The following PPM1N variants were observed in gnomAD, a reference collection of about 807,000 sequenced individuals.
PPM1N encodes the protein probable protein phosphatase 1N.
PPM1N carries 35 observed loss-of-function variants against 32.6 expected under a neutral mutation model. The ratio of observed to expected loss-of-function variants is 1.07; its 90% confidence interval spans 0.82 to 1.43. PPM1N has a LOEUF of 1.43. Among genes scored for constraint, PPM1N ranks in the 40% most tolerant of loss-of-function variants. The probability of loss-of-function intolerance (pLI) is 0.00; values close to 1 mark genes in which losing one functional copy is unlikely to be tolerated. For missense variants in PPM1N, 648 were observed against 606.6 expected (o/e 1.07, Z -0.72); for synonymous variants, 275 against 270.5 (o/e 1.02, Z -0.16).
In PPM1N at chr19:45,498,615, C is replaced by G. The variant is rs775186135; in HGVS notation, c.143C>G (p.Ala48Gly). The G allele has an allele frequency of 7.7e-5, 109 of 1,419,430 alleles. No homozygotes were observed. Among genetic ancestry groups the G allele is most frequent in the Non-Finnish European group, 1.0e-4 (109 of 1,092,844 alleles). 87.9% of individuals were successfully genotyped at this position (1,419,430 alleles called of 1,614,324 possible). ...GAAGGGCCTCGGTCTCTGTTGACAG[C>G]GCCGCGCCGCGCCCAGCGGCCGCAC... ...APEGPRSLLT[A>G]PRRAQRPHGG... The change falls in exon 1 of 5, where the codon GCG becomes GGG. Residue 48 changes from alanine to glycine, a missense_variant. Ala to Gly is a moderately conservative substitution (Grantham distance 60). Transcript: ENST00000451287.
In PPM1N at chr19:45,498,978, TG is replaced by T; in HGVS notation, c.508del (p.Val170SerfsTer18). 6.4e-7 allele frequency: 1 copy of T among 1,563,006 alleles called. No homozygotes were observed. The highest frequency in any genetic ancestry group is 8.6e-7 in the Non-Finnish European group (1 of 1,163,766). On this transcript the variant is annotated frameshift_variant, in exon 1 of 5. Transcript: ENST00000451287. LOFTEE classifies it high-confidence loss of function. ...ETGGCTAVVLLVSPRFLYLAH... is the reference protein window; with the variant it reads ...ETGGCTAVVLXVSPRFLYLAH... ...GGCGGCTGCACGGCCGTGGTGTTGC[TG>T]GTCTCCCCGCGGTTTCTGTACCTGG... is the stretch of plus-strand genomic sequence containing the variant.
chr19:45,499,914 C>A, intron 1 of PPM1N, 35 bp from the exon 2 acceptor site: 1 of 1,551,048 alleles, frequency 6.4e-7, no homozygotes, highest in Admixed American at 2.0e-5. Context: ...CTTGGACTCT[C>A]CCCCACCGGG....
intron 4 of PPM1N, 43 bp downstream of exon 4, chr19:45,500,753 G>GGCA: frequency 6.8e-7 from 1 of 1,478,564 alleles, no homozygotes; most frequent in Non-Finnish European, 9.2e-7. Context: ...AGGAGGGGAC[G>GGCA]CCCCCCCGCC....
At position 45,500,701 on chromosome 19, in the gene PPM1N, G is replaced by C; in HGVS notation, c.1215G>C (p.Glu405Asp). The change falls in exon 4 of 5, where the codon GAG becomes GAC. Residue 405 changes from glutamate to aspartate, a missense_variant. Transcript: ENST00000451287. ...CTCAGATCTGCCAGGTCTCAGAAGA[G>C]TGCGGAGAGGTAAGGATCCTGTGTT... ...VYSQICQVSE[E>D]CGEKGQDGAG... 1 of 1,600,392 alleles carries C rather than the reference G, an allele frequency of 6.2e-7. No homozygotes were observed. The highest frequency in any genetic ancestry group is 1.3e-5 in the African/African-American group (1 of 74,878).
In PPM1N at chr19:45,499,230, C is replaced by A. The variant is rs373499160; in HGVS notation, c.758C>A (p.Ala253Glu). The A allele has an allele frequency of 1.0e-4, 158 of 1,587,812 alleles. No individual in the cohort carries two copies. The highest frequency in any genetic ancestry group is 1.2e-4 in the Non-Finnish European group (145 of 1,171,672). The change falls in exon 1 of 5, where the codon GCG becomes GAG. Residue 253 changes from alanine to glutamate, a missense_variant. Transcript: ENST00000451287. ...GRPPELQLVS[A>E]EPEVAALARQ... is the part of the protein sequence containing the mutation. ...CCCCCCGAGCTACAGCTCGTTTCTG[C>A]GGAGCCAGAGGTGGCCGCACTGGCA...
chr19:45,502,308 GA>G lies in PPM1N; in HGVS notation c.*249del, dbSNP rs61574042. On this transcript the variant is annotated 3_prime_UTR_variant, in exon 5 of 5. Coordinates refer to ENST00000451287, the MANE Select transcript of PPM1N (RefSeq NM_001080401.2). ...GACCAAAAAGAAAAAAGCCCAAATC[GA>G]AAAAAAAAAAAAAAAAAAAAAAAAA... The G allele has an allele frequency of 0.11, 3,002 of 26,852 alleles. 19 individuals carry two copies. The highest frequency in any genetic ancestry group is 0.19 in the African/African-American group (1,077 of 5,736). The allele number at this position is 26,852 out of a possible 1,614,324, so 1.7% of individuals were successfully genotyped here.
At chr19:45,501,605 A>C (rs1968415221) in intron 4 of PPM1N, among the ~76,000 whole-genome samples, 1 of 152,212 alleles carries the variant, frequency 6.6e-6, no homozygotes, top group Admixed American at 6.5e-5. Context: ...TTAGAGTCTT[A>C]AGGCATGGCT....
rs1338714558 is a variant in PPM1N, at chr19:45,498,641, G to C, written c.169G>C (p.Gly57Arg). Residue 57 changes from glycine to arginine, a missense_variant, in exon 1 of 5, where the codon GGG becomes CGG. Gly to Arg is a moderately radical substitution (Grantham distance 125). Coordinates refer to ENST00000451287, the MANE Select transcript of PPM1N (RefSeq NM_001080401.2). ...TAPRRAQRPH[G>R]GAEASGGLRF... ...GCCGCGCCGCGCCCAGCGGCCGCAC[G>C]GGGGTGCCGAGGCGTCTGGGGGCCT... 2.8e-6 allele frequency: 4 copies of C among 1,415,044 alleles called. No homozygotes were observed. Among genetic ancestry groups the C allele is most frequent in the Non-Finnish European group, 9.2e-7 (1 of 1,089,794 alleles). 87.7% of individuals were successfully genotyped at this position (1,415,044 alleles called of 1,614,324 possible).
In PPM1N at chr19:45,502,172, A is replaced by T. The variant is rs1191322890; in HGVS notation, c.*87A>T. On this transcript the variant is annotated 3_prime_UTR_variant, in exon 5 of 5. Coordinates refer to ENST00000451287, the MANE Select transcript of PPM1N (RefSeq NM_001080401.2). ...ACCGACCCTTTCCCCAACTACATGTACCAGCGGAAGGAAGGAAGGCCAATG... is the reference window on the plus strand; with the variant it reads ...ACCGACCCTTTCCCCAACTACATGTTCCAGCGGAAGGAAGGAAGGCCAATG... 1.0e-5 allele frequency: 11 copies of T among 1,064,166 alleles called. No individual in the cohort carries two copies. Among genetic ancestry groups the T allele is most frequent in the Non-Finnish European group, 1.6e-5 (11 of 706,664 alleles). The allele number at this position is 1,064,166 out of a possible 1,614,324, so 65.9% of individuals were successfully genotyped here. A position where few individuals can be genotyped will look rare whatever the true frequency, so the allele number is the denominator to read the frequency against.
rs1158905676 is a variant in PPM1N, at chr19:45,498,830, G to A, written c.358G>A (p.Gly120Ser). 1.3e-6 allele frequency: 2 copies of A among 1,542,270 alleles called. No individual in the cohort carries two copies. Among genetic ancestry groups the A allele is most frequent in the Non-Finnish European group, 1.7e-6 (2 of 1,153,356 alleles). ...AARFGARHLP[G>S]HVLQELGPEP... is the part of the protein sequence containing the mutation. The stretch of plus-strand genomic sequence containing the variant: ...CCGCTTCGGTGCACGCCATTTGCCA[G>A]GCCATGTGCTCCAGGAGCTGGGCCC... Residue 120 changes from glycine (G) to serine (S), a missense_variant, in exon 1 of 5, where the codon GGC (glycine) becomes AGC (serine). Gly to Ser is a moderately conservative substitution (Grantham distance 56, BLOSUM62 0). Transcript: ENST00000451287.
chr19:45,500,709 A>G lies in PPM1N; in HGVS notation c.1223A>G (p.Glu408Gly), dbSNP rs747192830. ...TGCCAGGTCTCAGAAGAGTGCGGAG[A>G]GGTAAGGATCCTGTGTTCTCCAGTG... ...QICQVSEECG[E>G]KGQDGAGKSN... Residue 408 changes from glutamate (E) to glycine (G), a missense_variant and splice_region_variant, in exon 4 of 5, where the codon GAG (glutamate) becomes GGG (glycine). Transcript: ENST00000451287. 3 of 1,597,382 alleles carry G rather than the reference A, an allele frequency of 1.9e-6. No individual in the cohort carries two copies. The highest frequency in any genetic ancestry group is 3.5e-5 in the Admixed American group (2 of 57,852).
Position 45,500,653 on chromosome 19 carries a change from C to T in PPM1N, c.1167C>T (p.Ala389=). Reference sequence around the variant, plus strand: ...AGGGCCTTCCTGTGCTCTCCAGGGCCACTGTCATTGCTGAAGTTTATTCTC... The same window carrying T: ...AGGGCCTTCCTGTGCTCTCCAGGGCTACTGTCATTGCTGAAGTTTATTCTC... ...LPPGGGLDCK[A]TVIAEVYSQI... is the part of the protein sequence containing the mutation. The change falls in exon 4 of 5, where the codon GCC becomes GCT. Residue 389 remains alanine (A), a synonymous_variant. Transcript: ENST00000451287. 1 of 1,602,732 alleles carries T rather than the reference C, an allele frequency of 6.2e-7. No homozygotes were observed. The highest frequency in any genetic ancestry group is 8.5e-7 in the Non-Finnish European group (1 of 1,174,776).
chr19:45,498,738 T>C lies in PPM1N; in HGVS notation c.266T>C (p.Leu89Ser). The change falls in exon 1 of 5, where the codon TTA becomes TCA. Residue 89 changes from leucine to serine, a missense_variant. Coordinates refer to ENST00000451287, the MANE Select transcript of PPM1N (RefSeq NM_001080401.2). ...MEDAHCTWLS[L>S]PGLPPGWALF... The stretch of plus-strand genomic sequence containing the variant: ...GATGCTCACTGCACTTGGCTTTCGT[T>C]ACCTGGTCTGCCCCCGGGCTGGGCC... 6.4e-7 allele frequency: 1 copy of C among 1,553,042 alleles called. No individual in the cohort carries two copies. The highest frequency in any genetic ancestry group is 8.7e-7 in the Non-Finnish European group (1 of 1,153,898).
In PPM1N at chr19:45,498,577, G is replaced by A; in HGVS notation, c.105G>A (p.Gly35=). ...AGGAAGAGGAGGAGGAGGAGGCGGG[G>A]CGCAGGGCCCCCGAAGGGCCTCGGT... ...GREEEEEEEA[G]RRAPEGPRSL... Residue 35 remains glycine (G), a synonymous_variant, in exon 1 of 5, where the codon GGG becomes GGA. Coordinates refer to ENST00000451287, the MANE Select transcript of PPM1N (RefSeq NM_001080401.2). 1 of 1,460,944 alleles carries A rather than the reference G, an allele frequency of 6.8e-7. No individual in the cohort carries two copies. Among genetic ancestry groups the A allele is most frequent in the Non-Finnish European group, 9.0e-7 (1 of 1,111,410 alleles). The allele number at this position is 1,460,944 out of a possible 1,614,324, so 90.5% of individuals were successfully genotyped here.
rs1272795606 is a variant in PPM1N at position 45,499,133 on chromosome 19, C to T, written c.661C>T (p.Arg221Cys). 5 of 1,517,590 alleles carry T rather than the reference C, an allele frequency of 3.3e-6. No homozygotes were observed. The highest frequency in any genetic ancestry group is 4.4e-6 in the Non-Finnish European group (5 of 1,141,910). The allele number at this position is 1,517,590 out of a possible 1,614,324, so 94.0% of individuals were successfully genotyped here. ...IHAAGGTIRRRRVEGSLAVSR... is the reference protein window; with the variant it reads ...IHAAGGTIRRCRVEGSLAVSR... ...CGCCGCTGGCGGCACCATCCGCCGC[C>T]GCCGCGTCGAGGGCTCTCTGGCCGT... Residue 221 changes from arginine to cysteine, a missense_variant, in exon 1 of 5, where the codon CGC (arginine) becomes TGC (cysteine). By Grantham distance (180) the Arg-to-Cys change is radical (BLOSUM62 -3). Coordinates refer to ENST00000451287, the MANE Select transcript of PPM1N (RefSeq NM_001080401.2).
chr19:45,502,305 ATC>A lies in PPM1N; in HGVS notation c.*221_*222del. Reference sequence around the variant, plus strand: ...CCAGACCAAAAAGAAAAAAGCCCAAATCGAAAAAAAAAAAAAAAAAAAAAAAA... The same window carrying A: ...CCAGACCAAAAAGAAAAAAGCCCAAAGAAAAAAAAAAAAAAAAAAAAAAAA... On this transcript the variant is annotated 3_prime_UTR_variant, in exon 5 of 5. Coordinates refer to ENST00000451287, the MANE Select transcript of PPM1N (RefSeq NM_001080401.2). 1 of 296,464 alleles carries A rather than the reference ATC, an allele frequency of 3.4e-6. No individual in the cohort carries two copies. The allele number at this position is 296,464 out of a possible 1,614,324, so 18.4% of individuals were successfully genotyped here.
chr19:45,498,906 T>G lies in PPM1N; in HGVS notation c.434T>G (p.Leu145Trp). 1 of 1,526,510 alleles carries G rather than the reference T, an allele frequency of 6.6e-7. No homozygotes were observed. Among genetic ancestry groups the G allele is most frequent in the Non-Finnish European group, 8.7e-7 (1 of 1,146,370 alleles). 94.6% of individuals were successfully genotyped at this position (1,526,510 alleles called of 1,614,324 possible). Reference sequence around the variant, plus strand: ...CGCGAGGCGCTGCGCCGAGCCTTCTTGAGCGCCGACGAGCGCCTGCGCTCC... The same window carrying G: ...CGCGAGGCGCTGCGCCGAGCCTTCTGGAGCGCCGACGAGCGCCTGCGCTCC... ...GVREALRRAF[L>W]SADERLRSLW... The change falls in exon 1 of 5, where the codon TTG (leucine) becomes TGG (tryptophan). Residue 145 changes from leucine (L) to tryptophan (W), a missense_variant. By Grantham distance (61) the Leu-to-Trp change is moderately conservative. Transcript: ENST00000451287.
Position 45,500,141 on chromosome 19 carries a change from CTTT to C in PPM1N, c.1057+84_1057+86del, listed in dbSNP as rs5828239. ...CTGTGCCATAACTTTTTCTTTTTTT[CTTT>C]TTTTTTTTGAGATGGAGTCTTGCTC... On this transcript the variant is annotated intron_variant, in intron 2 of 4. Transcript: ENST00000451287. The C allele has an allele frequency of 1.1e-5, 14 of 1,259,624 alleles. 1 individual carries two copies. Among genetic ancestry groups the C allele is most frequent in the Middle Eastern group, 5.6e-4 (2 of 3,596 alleles). 78.0% of individuals were successfully genotyped at this position (1,259,624 alleles called of 1,614,324 possible). A position where few individuals can be genotyped will look rare whatever the true frequency, so the allele number is the denominator to read the frequency against.
chr19:45,500,445 C>G lies in PPM1N; in HGVS notation c.1058-11C>G. ...CCACTGTGCCCAGCCTAACTCTTGA[C>G]TCTTTCTCAGAACTGTGTGCCTCTG... is the stretch of plus-strand genomic sequence containing the variant. On this transcript the variant is annotated splice_polypyrimidine_tract_variant and intron_variant, in intron 2 of 4. Transcript: ENST00000451287. 6.3e-7 allele frequency: 1 copy of G among 1,597,358 alleles called. No individual in the cohort carries two copies. Among genetic ancestry groups the G allele is most frequent in the Non-Finnish European group, 8.5e-7 (1 of 1,171,436 alleles).
Sources: allele counts gnomAD v4.1 joint callset (sites outside exome capture counted in the v4.1 genomes callset), GRCh38; gene constraint gnomAD v4.1.1; transcripts MANE v1.5; gene names NCBI Gene and HGNC (gene_info 2026-07-23, HGNC 2026-07-21).